Variants in TRABD2B observed in about 807,000 individuals in gnomAD.
TRABD2B encodes the protein metalloprotease TIKI2.
TRABD2B carries 14 observed loss-of-function variants against 40.1 expected under a neutral mutation model. The observed-to-expected ratio is 0.35, with a 90% confidence interval of 0.23 to 0.55. The LOEUF (loss-of-function observed/expected upper bound fraction) is 0.55. Ranked by LOEUF, TRABD2B falls within the 20% of genes least tolerant of loss-of-function variation. The pLI is 0.90. For synonymous variants in TRABD2B, 263 were observed against 277.0 expected (o/e 0.95, Z 0.50); for missense variants, 541 against 648.6 (o/e 0.83, Z 1.80).
At chr1:47,880,528 TAC>T (rs1644288072) in intron 2 of TRABD2B, among the ~76,000 whole-genome samples, 1 of 152,208 alleles carries the variant, frequency 6.6e-6, no homozygotes, top group African/African-American at 2.4e-5. Flanking sequence ...GGAACGCGGA[TAC>T]CAGGTCAAAA....
chr1:47,838,814 C>T (rs1015731593), intron 2 of TRABD2B, among the ~76,000 whole-genome samples: 2 of 152,136 alleles, frequency 1.3e-5, no homozygotes, highest in South Asian at 2.1e-4. Context: ...TGGGGCCTGA[C>T]CAAGAAGAGA....
At chr1:47,963,351 A>C (rs1428879842) in intron 2 of TRABD2B, among the ~76,000 whole-genome samples, 1 of 152,212 alleles carries the variant, frequency 6.6e-6, no homozygotes, top group African/African-American at 2.4e-5. Flanking sequence ...GGTGGTGAAC[A>C]GAGAGACCAG....
intron 2 of TRABD2B, among the ~76,000 whole-genome samples, chr1:47,876,077 C>T (rs1253875986): frequency 6.6e-6 from 1 of 152,166 alleles, no homozygotes; most frequent in African/African-American, 2.4e-5. Flanking sequence ...CACTGGAGGT[C>T]CCAGCCTCCC....
rs182136295 is a variant in TRABD2B at position 47,782,261 on chromosome 1, C to T, written c.989-3717G>A. On this transcript the variant is annotated intron_variant, in intron 4 of 6. Transcript: ENST00000606738. ...GGTCCTATCTTGATTCTCCTCGCTC[C>T]TCATCTTCATACGATCAGTTCCCAG... Among the ~76,000 whole-genome samples the T allele has an allele frequency of 2.0e-5, 3 of 152,336 alleles. No individual in the cohort carries two copies. The East Asian group carries it at 5.8e-4, about 29-fold the overall frequency.
intron 2 of TRABD2B, among the ~76,000 whole-genome samples, chr1:47,923,982 C>A (rs889860057): frequency 6.7e-6 from 1 of 150,152 alleles, no homozygotes; most frequent in African/African-American, 2.5e-5. Context: ...CCTATTAGTT[C>A]TGTTTCTCTG....
intron 2 of TRABD2B, among the ~76,000 whole-genome samples, chr1:47,828,608 G>A (rs1484681997): frequency 6.6e-6 from 1 of 152,214 alleles, no homozygotes; most frequent in Non-Finnish European, 1.5e-5. Context: ...AGAGGTATAA[G>A]TCCCTTTGGT....
chr1:47,866,004 C>G (rs1644051190), intron 2 of TRABD2B, among the ~76,000 whole-genome samples: 1 of 151,802 alleles, frequency 6.6e-6, no homozygotes, highest in African/African-American at 2.4e-5. Context: ...GGATTAAAGT[C>G]TGAACATAAG....
At chr1:47,953,307 CA>C (rs1171965518) in intron 2 of TRABD2B, among the ~76,000 whole-genome samples, 2 of 152,168 alleles carry the variant, frequency 1.3e-5, no homozygotes, top group Non-Finnish European at 2.9e-5. Flanking sequence ...TACAAACGTG[CA>C]AAAGCCTAAT....
At chr1:47,970,534 G>A (rs560241970) in intron 2 of TRABD2B, among the ~76,000 whole-genome samples, 2 of 152,184 alleles carry the variant, frequency 1.3e-5, no homozygotes, top group East Asian at 1.9e-4. Flanking sequence ...CATAATTTAC[G>A]GTCCTGCCCT....
intron 2 of TRABD2B, among the ~76,000 whole-genome samples, chr1:47,802,513 G>C (rs1282042585): frequency 6.6e-6 from 1 of 152,190 alleles, no homozygotes; most frequent in African/African-American, 2.4e-5. Flanking sequence ...TCAACAGAAG[G>C]GAGGAGGCTG....
chr1:47,782,203 G>A (rs528393913), intron 4 of TRABD2B, among the ~76,000 whole-genome samples: 48 of 152,318 alleles, frequency 3.2e-4, no homozygotes, highest in African/African-American at 9.1e-4. Flanking sequence ...AATGTCTTGC[G>A]TCTCAACCAG....
At chr1:47,804,276 T>C (rs1178156573) in intron 2 of TRABD2B, among the ~76,000 whole-genome samples, 1 of 152,228 alleles carries the variant, frequency 6.6e-6, no homozygotes, top group African/African-American at 2.4e-5. Context: ...AGGGTGTCGA[T>C]GGCAGCATGG....
At chr1:47,966,129 T>C (rs1452864297) in intron 2 of TRABD2B, among the ~76,000 whole-genome samples, 1 of 152,064 alleles carries the variant, frequency 6.6e-6, no homozygotes, top group Non-Finnish European at 1.5e-5. Flanking sequence ...ATATACCAAC[T>C]CAGGCATAGA....
At chr1:47,933,131 A>C (rs6694336) in intron 2 of TRABD2B, among the ~76,000 whole-genome samples, 5,502 of 146,798 alleles carry the variant, frequency 0.037, 367 homozygotes, top group African/African-American at 0.13. Flanking sequence ...TTTGAGACGC[A>C]GTCTCACTTT....
intron 2 of TRABD2B, among the ~76,000 whole-genome samples, chr1:47,822,535 T>C (rs536810222): frequency 1.3e-4 from 20 of 152,090 alleles, no homozygotes; most frequent in African/African-American, 4.8e-4. Flanking sequence ...ACTCTGTGAC[T>C]CTGGGCCAGT....
chr1:47,891,049 CCCGGCTCACTATAACCTTGGACAAG>C, intron 2 of TRABD2B, among the ~76,000 whole-genome samples: 1 of 152,214 alleles, frequency 6.6e-6, no homozygotes, highest in Admixed American at 6.5e-5. Flanking sequence ...GAGTTCCAAT[CCCGGCTCACTATAACCTTGGACAAG>C]TTGCTTAATC....
intron 2 of TRABD2B, among the ~76,000 whole-genome samples, chr1:47,923,915 T>TACACACACACACACACACACAC (rs60288001): frequency 7.5e-6 from 1 of 132,516 alleles, no homozygotes; most frequent in African/African-American, 2.8e-5. Flanking sequence ...CATACACACA[T>TACACACACACACACACACACAC]ACACACACAC....
chr1:47,804,569 T>C (rs1644866436), intron 2 of TRABD2B, among the ~76,000 whole-genome samples: 1 of 152,116 alleles, frequency 6.6e-6, no homozygotes, highest in African/African-American at 2.4e-5. Flanking sequence ...GGAGGAGAAA[T>C]GTCTCCCCAG....
intron 2 of TRABD2B, among the ~76,000 whole-genome samples, chr1:47,927,018 T>C (rs1043063744): frequency 2.0e-5 from 3 of 152,154 alleles, no homozygotes; most frequent in African/African-American, 7.2e-5. Context: ...AAGTGCTGGA[T>C]TGTATGACGC....
Sources: allele counts gnomAD v4.1 joint callset (sites outside exome capture counted in the v4.1 genomes callset), GRCh38; gene constraint gnomAD v4.1.1; transcripts MANE v1.5; gene names NCBI Gene and HGNC (gene_info 2026-07-23, HGNC 2026-07-21).